The following RAMP1 variants were observed in gnomAD, a reference collection of about 807,000 sequenced individuals.
RAMP1 encodes receptor activity modifying protein 1, also known as receptor activity-modifying protein 1.
In RAMP1, 7 loss-of-function variants were observed where a neutral mutation model predicts 8.2. The observed-to-expected ratio is 0.85, with a 90% confidence interval of 0.49 to 1.60. The LOEUF (loss-of-function observed/expected upper bound fraction) is 1.60. RAMP1 is among the 40% of genes most tolerant of loss of function. The probability of loss-of-function intolerance (pLI) is 0.00; values close to 1 mark genes in which losing one functional copy is unlikely to be tolerated. For missense variants in RAMP1, 192 were observed against 202.4 expected, an observed-to-expected ratio of 0.95 and a Z score of 0.31; for synonymous variants, 92 against 84.7, an observed-to-expected ratio of 1.09 and a Z score of -0.47.
chr2:237,887,404 C>T (rs1308391460), intron 2 of RAMP1, among the ~76,000 whole-genome samples: 3 of 147,802 alleles, frequency 2.0e-5, no homozygotes, highest in East Asian at 2.1e-4. Flanking sequence ...GAGTATCTTG[C>T]GGGACCTAAG....
Position 237,879,690 on chromosome 2 carries a change from T to TAA in RAMP1, c.191+2341_191+2342dup, listed in dbSNP as rs201233396. Among the ~76,000 whole-genome samples, 60 of 132,006 alleles carry TAA rather than the reference T, an allele frequency of 4.5e-4. 1 individual carries two copies. The highest frequency in any genetic ancestry group is 9.0e-4 in the Admixed American group (12 of 13,348). The allele number at this position is 132,006 out of a possible 152,430, so 86.6% of individuals were successfully genotyped here. On this transcript the variant is annotated intron_variant, in intron 2 of 2. Coordinates refer to ENST00000254661, the MANE Select transcript of RAMP1 (RefSeq NM_005855.4). ...ACATGTGCCCTAGAACTTAAAGTAT[T>TAA]AAAAAAAAAAAAAATCTGACCGGGC...
intron 2 of RAMP1, among the ~76,000 whole-genome samples, chr2:237,898,085 CACTGTGCCTGGCCAGATGCTGTAATT>C (rs1312272960): frequency 2.6e-5 from 4 of 152,204 alleles, no homozygotes; most frequent in Admixed American, 2.0e-4. Flanking sequence ...AGGCGGGAAC[CACTGTGCCTGGCCAGATGCTGTAATT>C]CTTTGGAAAG....
At chr2:237,880,994 C>T (rs1401479084) in intron 2 of RAMP1, among the ~76,000 whole-genome samples, 2 of 152,222 alleles carry the variant, frequency 1.3e-5, no homozygotes, top group African/African-American at 4.8e-5. Flanking sequence ...CCTCCTCCTC[C>T]TGCCCCTGCC....
chr2:237,896,328 G>A (rs575661392), intron 2 of RAMP1, among the ~76,000 whole-genome samples: 2 of 152,320 alleles, frequency 1.3e-5, no homozygotes, highest in African/African-American at 4.8e-5. Flanking sequence ...TGCCAGACCT[G>A]GCTGCACATG....
At chr2:237,905,017 A>C (rs913926179) in intron 2 of RAMP1, among the ~76,000 whole-genome samples, 1 of 152,130 alleles carries the variant, frequency 6.6e-6, no homozygotes, top group African/African-American at 2.4e-5. Context: ...AACCATGAAC[A>C]GTGGTGTCGG....
Position 237,911,536 on chromosome 2 carries a change from G to A in RAMP1, c.200G>A (p.Arg67Lys), listed in dbSNP as rs1444905784. Residue 67 changes from arginine (R) to lysine (K), a missense_variant, in exon 3 of 3, where the codon AGG (arginine) becomes AAG (lysine). Arg to Lys is a conservative substitution (Grantham distance 26). Transcript: ENST00000254661. ...CDWGRTIRSY[R>K]ELADCTWHMA... is the part of the protein sequence containing the mutation. Reference sequence around the variant, plus strand: ...TCCTCTTCCATCCGCAGGAGCTACAGGGAGCTGGCCGACTGCACCTGGCAC... The same window carrying A: ...TCCTCTTCCATCCGCAGGAGCTACAAGGAGCTGGCCGACTGCACCTGGCAC... 1 of 1,614,080 alleles carries A rather than the reference G, an allele frequency of 6.2e-7. No individual in the cohort carries two copies. Among genetic ancestry groups the A allele is most frequent in the South Asian group, 1.1e-5 (1 of 91,078 alleles).
chr2:237,874,651 T>C, intron 1 of RAMP1: 1 of 984,834 alleles, frequency 1.0e-6, no homozygotes. Flanking sequence ...CCAGGCAGGA[T>C]AGCCTGAGGC....
chr2:237,868,345 G>A (rs1163419142), intron 1 of RAMP1, among the ~76,000 whole-genome samples: 1 of 151,980 alleles, frequency 6.6e-6, no homozygotes, highest in East Asian at 1.9e-4. Context: ...TGCCTGGCTG[G>A]GGTTTTCTGT....
chr2:237,883,213 G>A (rs1458146132), intron 2 of RAMP1, among the ~76,000 whole-genome samples: 1 of 152,200 alleles, frequency 6.6e-6, no homozygotes, highest in Non-Finnish European at 1.5e-5. Context: ...CCAGGGCCCT[G>A]GGCTGGGCCT....
At chr2:237,888,174 C>G (rs888783863) in intron 2 of RAMP1, among the ~76,000 whole-genome samples, 2 of 152,092 alleles carry the variant, frequency 1.3e-5, no homozygotes, top group African/African-American at 4.8e-5. Flanking sequence ...CTGCCTCAGC[C>G]TCCCGAGTAG....
chr2:237,910,742 T>G (rs2062704056), intron 2 of RAMP1, among the ~76,000 whole-genome samples: 1 of 145,724 alleles, frequency 6.9e-6, no homozygotes, highest in African/African-American at 2.6e-5. Flanking sequence ...TAACACACAG[T>G]CACACAGAAA....
At chr2:237,894,763 C>T (rs1040667951) in intron 2 of RAMP1, among the ~76,000 whole-genome samples, 5 of 152,192 alleles carry the variant, frequency 3.3e-5, no homozygotes, top group African/African-American at 7.2e-5. Flanking sequence ...GGCCCCTGGA[C>T]GGCTGGAACC....
chr2:237,888,959 G>C (rs1430081249), intron 2 of RAMP1, among the ~76,000 whole-genome samples: 2 of 152,114 alleles, frequency 1.3e-5, no homozygotes, highest in African/African-American at 4.8e-5. Flanking sequence ...TTTTAATAGA[G>C]ACGGGGTTTC....
At chr2:237,885,801 T>C (rs1359350178) in intron 2 of RAMP1, among the ~76,000 whole-genome samples, 1 of 152,150 alleles carries the variant, frequency 6.6e-6, no homozygotes, top group East Asian at 1.9e-4. Context: ...TCCCCCACCC[T>C]CTGCCCCCCC....
At chr2:237,901,643 G>T (rs1335911836) in intron 2 of RAMP1, among the ~76,000 whole-genome samples, 1 of 152,158 alleles carries the variant, frequency 6.6e-6, no homozygotes, top group East Asian at 1.9e-4. Flanking sequence ...TTCTGAATCT[G>T]GGACAGGTGT....
intron 2 of RAMP1, among the ~76,000 whole-genome samples, chr2:237,885,737 C>G (rs1298826384): frequency 1.3e-5 from 2 of 152,234 alleles, no homozygotes; most frequent in African/African-American, 4.8e-5. Flanking sequence ...CTCTGTGTGT[C>G]TGCACCAGGC....
chr2:237,911,733 G>C lies in RAMP1; in HGVS notation c.397G>C (p.Val133Leu). 1.2e-6 allele frequency: 2 copies of C among 1,613,458 alleles called. No individual in the cohort carries two copies. The highest frequency in any genetic ancestry group is 2.2e-5 in the South Asian group (2 of 90,914). ...GGTCCCCATCACGGTGACCCTGCTGGTGACGGCACTGGTGGTCTGGCAGAG... is the reference window on the plus strand; with the variant it reads ...GGTCCCCATCACGGTGACCCTGCTGCTGACGGCACTGGTGGTCTGGCAGAG... ...IVVPITVTLL[V>L]TALVVWQSKR... Residue 133 changes from valine to leucine, a missense_variant, in exon 3 of 3, where the codon GTG becomes CTG. Transcript: ENST00000254661.
At chr2:237,874,690 C>A in intron 1 of RAMP1, 1 of 985,094 alleles carries the variant, frequency 1.0e-6, no homozygotes, top group Non-Finnish European at 1.2e-6. Context: ...GGCAGAATGG[C>A]CACTGAGAAA....
chr2:237,896,528 AC>A (rs2062544136), intron 2 of RAMP1, among the ~76,000 whole-genome samples: 1 of 152,060 alleles, frequency 6.6e-6, no homozygotes, highest in Non-Finnish European at 1.5e-5. Context: ...CGCCTCAGGG[AC>A]CTCCCCATCA....
Sources: allele counts gnomAD v4.1 joint callset (sites outside exome capture counted in the v4.1 genomes callset), GRCh38; gene constraint gnomAD v4.1.1; transcripts MANE v1.5; gene names NCBI Gene and HGNC (gene_info 2026-07-23, HGNC 2026-07-21).